Variants in CSMD2 observed in about 807,000 individuals in gnomAD.
CSMD2 encodes CUB and Sushi multiple domains 2.
CSMD2 carries 130 observed loss-of-function variants against 398.5 expected under a neutral mutation model. That is an observed-to-expected ratio of 0.33 (90% CI 0.28 to 0.38). The LOEUF is 0.38. CSMD2 is among the 10% of genes least tolerant of loss of function. The pLI, the probability that CSMD2 is intolerant of heterozygous loss-of-function variation, is 1.00. For synonymous variants in CSMD2, 1,828 were observed against 1,908.5 expected (o/e 0.96, Z 1.10); for missense variants, 3,829 against 4,764.9 (o/e 0.80, Z 5.78).
Position 33,540,572 on chromosome 1 carries a change from G to T in CSMD2, c.9584C>A (p.Thr3195Asn), listed in dbSNP as rs887494962. 1 of 1,614,034 alleles carries T rather than the reference G, an allele frequency of 6.2e-7. No individual in the cohort carries two copies. Among genetic ancestry groups the T allele is most frequent in the African/African-American group, 1.3e-5 (1 of 74,902 alleles). The change falls in exon 60 of 71, where the codon ACC becomes AAC. Residue 3195 changes from threonine to asparagine, a missense_variant. Around this residue, in one of 5 missense-constraint regions of CSMD2, gnomAD observed 917 missense variants for 1,199.5 expected, o/e 0.76. Coordinates refer to ENST00000373381, the MANE Select transcript of CSMD2 (RefSeq NM_001281956.2). ...GGTCCAGGACCCATTTCCCTCACAGGTGAACACCGCGGGCAGGGAGAGCTG... is the reference window on the plus strand; with the variant it reads ...GGTCCAGGACCCATTTCCCTCACAGTTGAACACCGCGGGCAGGGAGAGCTG... ...GYQLSLPAVF[T>N]CEGNGSWTGE...
intron 50 of CSMD2, 144 bp downstream of exon 50, chr1:33,572,362 T>G (rs1322751910): frequency 5.2e-6 from 4 of 768,680 alleles, no homozygotes; most frequent in Non-Finnish European, 6.0e-6. Context: ...CTGCCTCCTC[T>G]TCTGAAATCC....
chr1:33,832,367 A>G (rs1235310293), intron 6 of CSMD2, among the ~76,000 whole-genome samples: 2 of 150,024 alleles, frequency 1.3e-5, no homozygotes, highest in African/African-American at 2.5e-5. Flanking sequence ...CGGACTCAAA[A>G]CCGCTCAACT....
intron 24 of CSMD2, among the ~76,000 whole-genome samples, chr1:33,693,903 C>G (rs1645326114): frequency 6.6e-6 from 1 of 151,956 alleles, no homozygotes; most frequent in Non-Finnish European, 1.5e-5. Context: ...ACTAAAAATA[C>G]AAAAAATTAG....
intron 3 of CSMD2, among the ~76,000 whole-genome samples, chr1:33,959,171 G>C (rs1645266171): frequency 6.6e-6 from 1 of 152,168 alleles, no homozygotes; most frequent in East Asian, 1.9e-4. Flanking sequence ...GAAGACTATG[G>C]ATGCTTCTCT....
intron 9 of CSMD2, among the ~76,000 whole-genome samples, chr1:33,819,146 TG>T (rs1472853809): frequency 6.6e-6 from 1 of 151,936 alleles, no homozygotes; most frequent in Non-Finnish European, 1.5e-5. Context: ...TAAGATTATT[TG>T]GGGGGTAGGG....
chr1:34,105,998 A>G (rs1401953963), intron 1 of CSMD2, among the ~76,000 whole-genome samples: 1 of 152,140 alleles, frequency 6.6e-6, no homozygotes, highest in Non-Finnish European at 1.5e-5. Context: ...TCTATCAAGA[A>G]CCCCAGAGGT....
intron 65 of CSMD2, 110 bp from the exon 66 acceptor site, chr1:33,525,153 A>G (rs991202963): frequency 1.1e-5 from 12 of 1,132,882 alleles, no homozygotes; most frequent in African/African-American, 4.6e-5. Flanking sequence ...CCTTTCCCCA[A>G]TGTCTACCAT....
intron 1 of CSMD2, among the ~76,000 whole-genome samples, chr1:34,101,110 G>A (rs1659895711): frequency 6.6e-6 from 1 of 152,366 alleles, no homozygotes; most frequent in Non-Finnish European, 1.5e-5. Context: ...TCATGCCCAT[G>A]AAACGTTGAA....
chr1:33,731,548 T>A (rs190497777), intron 15 of CSMD2, among the ~76,000 whole-genome samples: 1 of 152,302 alleles, frequency 6.6e-6, no homozygotes, highest in Non-Finnish European at 1.5e-5. Flanking sequence ...GGGAAGCAAC[T>A]GGCAAAATTC....
At chr1:34,012,340 A>T (rs1647462213) in intron 3 of CSMD2, among the ~76,000 whole-genome samples, 1 of 151,896 alleles carries the variant, frequency 6.6e-6, no homozygotes, top group Non-Finnish European at 1.5e-5. Context: ...TGCCCATCTA[A>T]AATGGTCATC....
chr1:33,859,426 A>G (rs1042386299), intron 5 of CSMD2, among the ~76,000 whole-genome samples: 2 of 152,134 alleles, frequency 1.3e-5, no homozygotes, highest in African/African-American at 4.8e-5. Context: ...TCTGACTGTG[A>G]CACTCCTGCC....
Position 33,658,080 on chromosome 1 carries a change from C to G in CSMD2, c.4313G>C (p.Gly1438Ala), listed in dbSNP as rs1190130761. The G allele has an allele frequency of 1.2e-6, 2 of 1,614,216 alleles. No homozygotes were observed. Among genetic ancestry groups the G allele is most frequent in the Admixed American group, 3.3e-5 (2 of 60,030 alleles). ...PGIPQNGSRS[G>A]DSWEAGDSTV... The stretch of plus-strand genomic sequence containing the variant: ...GGAGTCGCCGGCTTCCCAACTGTCA[C>G]CACTCCGACTCCCATTCTGCGGGAT... Residue 1438 changes from glycine (G) to alanine (A), a missense_variant, in exon 27 of 71, where the codon GGT (glycine) becomes GCT (alanine). By Grantham distance (60) the Gly-to-Ala change is moderately conservative (BLOSUM62 0). Around this residue, in one of 5 missense-constraint regions of CSMD2, gnomAD observed 2,001 missense variants for 2,567.1 expected, o/e 0.78. Transcript: ENST00000373381.
rs117012392 is a variant in CSMD2 at position 33,783,536 on chromosome 1, C to A, written c.1663+5064G>T. On this transcript the variant is annotated intron_variant, in intron 12 of 70. Transcript: ENST00000373381. The stretch of plus-strand genomic sequence containing the variant: ...GCCATGGTGAGAAGGTAGCTGTCTA[C>A]AAGCCACGAAGAAAGCCCTCATCAG... Among the ~76,000 whole-genome samples, 17 of 151,558 alleles carry A rather than the reference C, an allele frequency of 1.1e-4. No individual in the cohort carries two copies. The East Asian group carries it at 2.7e-3, about 24-fold the overall frequency.
intron 33 of CSMD2, among the ~76,000 whole-genome samples, chr1:33,626,225 G>A (rs960014222): frequency 6.6e-6 from 1 of 152,242 alleles, no homozygotes; most frequent in African/African-American, 2.4e-5. Context: ...AATGGGTGGA[G>A]TGGGGAAGGG....
chr1:33,696,380 G>A (rs904581202), intron 24 of CSMD2, among the ~76,000 whole-genome samples: 1 of 152,192 alleles, frequency 6.6e-6, no homozygotes, highest in Admixed American at 6.5e-5. Flanking sequence ...CTAAGGAAGG[G>A]TTGCAGGAGA....
At chr1:33,729,478 T>A (rs1266914692) in intron 15 of CSMD2, among the ~76,000 whole-genome samples, 40 of 150,564 alleles carry the variant, frequency 2.7e-4, no homozygotes, top group African/African-American at 9.0e-4. Flanking sequence ...TTTAATTTTT[T>A]AAAATTTTAT....
chr1:34,165,534 G>T (rs1324154545), upstream of CSMD2, among the ~76,000 whole-genome samples: 3 of 151,958 alleles, frequency 2.0e-5, no homozygotes, highest in African/African-American at 7.3e-5. Context: ...TTTAAGTTCA[G>T]TCCTCCTGTT....
At chr1:33,543,601 GCATTATGAAGTTTC>G (rs1359048763) in intron 57 of CSMD2, among the ~76,000 whole-genome samples, 1 of 152,182 alleles carries the variant, frequency 6.6e-6, no homozygotes, top group Non-Finnish European at 1.5e-5. Context: ...GCCTAATGTG[GCATTATGAAGTTTC>G]CATTATGAAG....
At chr1:34,159,643 C>G (rs1641147121) in intron 1 of CSMD2, among the ~76,000 whole-genome samples, 1 of 152,216 alleles carries the variant, frequency 6.6e-6, no homozygotes, top group South Asian at 2.1e-4. Flanking sequence ...CCTGTTTCTT[C>G]ATCTATGAAA....
Sources: gnomAD v4.1 joint callset for allele counts (sites outside exome capture counted in the v4.1 genomes callset) on GRCh38, gnomAD v4.1.1 for gene constraint, gnomAD v4.1.1 regional missense constraint, MANE v1.5 for transcripts, NCBI Gene and HGNC (gene_info 2026-07-23, HGNC 2026-07-21) for gene names.